The following CEP72 variants were observed in gnomAD, a reference collection of about 807,000 sequenced individuals.
CEP72 encodes centrosomal protein 72, also known as centrosomal protein of 72 kDa.
A neutral mutation model predicts 65.7 loss-of-function variants in CEP72; 78 were observed. The ratio of observed to expected loss-of-function variants is 1.19; its 90% CI spans 0.99 to 1.43. CEP72 has a LOEUF of 1.43. Ranked by LOEUF, CEP72 falls within the 40% of genes most tolerant of loss-of-function variation. The pLI is 0.00. For missense variants in CEP72, 914 were observed against 832.9 expected, an observed-to-expected ratio of 1.10 and a Z score of -1.20; for synonymous variants, 358 against 351.7, an observed-to-expected ratio of 1.02 and a Z score of -0.20.
At chr5:639,360 C>T (rs756300838) in intron 8 of CEP72, 136 bp downstream of exon 8, 10 of 988,078 alleles carry the variant, frequency 1.0e-5, no homozygotes, top group African/African-American at 5.0e-5. Flanking sequence ...GTGGTGGTCC[C>T]GCGCCTGGGC....
At chr5:616,155 A>G (rs1403757694) in intron 1 of CEP72, among the ~76,000 whole-genome samples, 1 of 151,788 alleles carries the variant, frequency 6.6e-6, no homozygotes, top group Admixed American at 6.5e-5. Context: ...TTTCCTTTAT[A>G]TTTGAAAAAA....
At chr5:621,564 C>T (rs1282708897) in intron 3 of CEP72, among the ~76,000 whole-genome samples, 2 of 152,226 alleles carry the variant, frequency 1.3e-5, no homozygotes, top group Non-Finnish European at 2.9e-5. Context: ...CCTGTCAGCC[C>T]CATGAAGTTC....
In CEP72 at chr5:612,455, G is replaced by C. The variant is rs1220873889; in HGVS notation, c.82+12G>C. ...TCACCGCGACCTGGGTGCGCCGGAG[G>C]GCGGGCGGGGGTGCAAGCGTGAGGT... On this transcript the variant is annotated intron_variant, in intron 1 of 11. Coordinates refer to ENST00000264935, the MANE Select transcript of CEP72 (RefSeq NM_018140.4). 1.4e-6 allele frequency: 2 copies of C among 1,441,740 alleles called. No individual in the cohort carries two copies. The highest frequency in any genetic ancestry group is 3.0e-5 in the African/African-American group (2 of 67,496). The allele number at this position is 1,441,740 out of a possible 1,614,324, so 89.3% of individuals were successfully genotyped here.
rs781055123 is a variant in CEP72, at chr5:635,469, C to T, written c.789C>T (p.Cys263=). The T allele has an allele frequency of 6.2e-7, 1 of 1,614,058 alleles. No homozygotes were observed. Among genetic ancestry groups the T allele is most frequent in the South Asian group, 1.1e-5 (1 of 91,084 alleles). The change falls in exon 6 of 12, where the codon TGC becomes TGT. Residue 263 remains cysteine, a synonymous_variant. Coordinates refer to ENST00000264935, the MANE Select transcript of CEP72 (RefSeq NM_018140.4). ...CGAGGAGGAGCAGCTGCAGAGGGTGCTGTCTGGAGAAGATGCCTTGGAGCC... is the reference window on the plus strand; with the variant it reads ...CGAGGAGGAGCAGCTGCAGAGGGTGTTGTCTGGAGAAGATGCCTTGGAGCC... The part of the protein sequence containing the change: ...RETRRSSCRG[C]CLEKMPWSQL...
At chr5:664,020 C>T (rs753395123) in intron 2 of CEP72, 2 of 152,438 alleles carry the variant, frequency 1.3e-5, no homozygotes, top group Non-Finnish European at 2.9e-5. Context: ...TCTGCTCAGC[C>T]CCCTGCTGGC....
At chr5:640,971 A>G (rs1737975672) in intron 9 of CEP72, 1 of 985,332 alleles carries the variant, frequency 1.0e-6, no homozygotes, top group Admixed American at 6.1e-5. Flanking sequence ...CCTTTTATGA[A>G]GGAGATGACG....
intron 11 of CEP72, 69 bp from the exon 12 acceptor site, chr5:652,919 C>T: frequency 6.8e-7 from 1 of 1,461,998 alleles, no homozygotes; most frequent in Non-Finnish European, 9.1e-7. Flanking sequence ...TGGGCAGGCC[C>T]AGCAGGTGAG....
chr5:669,747 A>G (rs1740134123), downstream of CEP72, among the ~76,000 whole-genome samples: 1 of 151,990 alleles, frequency 6.6e-6, no homozygotes, highest in Non-Finnish European at 1.5e-5. Flanking sequence ...TCTCGGGGAA[A>G]GGGCGCCCGG....
chr5:641,077 G>A (rs932590670), intron 9 of CEP72: 1 of 985,290 alleles, frequency 1.0e-6, no homozygotes, highest in Non-Finnish European at 1.2e-6. Flanking sequence ...CTGTGTATTG[G>A]GCCTCAGGCT....
At chr5:613,059 C>T (rs1473247213) in intron 1 of CEP72, among the ~76,000 whole-genome samples, 2 of 152,200 alleles carry the variant, frequency 1.3e-5, no homozygotes, top group African/African-American at 4.8e-5. Flanking sequence ...AATTCTGTAT[C>T]TCTGGTTGTT....
downstream of CEP72, among the ~76,000 whole-genome samples, chr5:659,088 C>T (rs537086788): frequency 3.9e-5 from 6 of 152,352 alleles, no homozygotes; most frequent in African/African-American, 1.4e-4. Context: ...GATCTCCTGT[C>T]ATCCCGCATG....
the CEP72 span, among the ~76,000 whole-genome samples, chr5:672,758 G>T: frequency 6.6e-6 from 1 of 152,236 alleles, no homozygotes; most frequent in Non-Finnish European, 1.5e-5. Flanking sequence ...GCCTGTGCAC[G>T]CTATGCCTCC....
the CEP72 span, among the ~76,000 whole-genome samples, chr5:672,281 CTGT>C: frequency 6.6e-6 from 1 of 151,236 alleles, no homozygotes. Flanking sequence ...CCTGGCCCTG[CTGT>C]TCTCAGTCTC....
the CEP72 span, among the ~76,000 whole-genome samples, chr5:673,603 G>A: frequency 3.3e-5 from 5 of 152,288 alleles, no homozygotes; most frequent in Admixed American, 6.5e-5. Flanking sequence ...GCCCAGGACC[G>A]GGTCTCAGCC....
rs1481163956 is a variant in CEP72 at position 653,048 on chromosome 5, C to CAG, written c.1842_1843dup (p.Ala615GlufsTer76). The CAG allele has an allele frequency of 6.2e-7, 1 of 1,613,934 alleles. No homozygotes were observed. The highest frequency in any genetic ancestry group is 1.7e-5 in the Admixed American group (1 of 60,006). On this transcript the variant is annotated frameshift_variant, in exon 12 of 12. Transcript: ENST00000264935. LOFTEE classifies it low-confidence loss of function (END_TRUNC). Reference sequence around the variant, plus strand: ...AGCTGAGCCAGGTGCGGGCGCAGCACAGAGCCGAGGTGGAGCAGATGCACT... The same window carrying CAG: ...AGCTGAGCCAGGTGCGGGCGCAGCACAGAGAGCCGAGGTGGAGCAGATGCACT...
chr5:625,427 G>A (rs1228054427), intron 4 of CEP72, among the ~76,000 whole-genome samples: 2 of 152,194 alleles, frequency 1.3e-5, no homozygotes, highest in Non-Finnish European at 2.9e-5. Flanking sequence ...GGCCCTGGAG[G>A]CTGCGTGACC....
chr5:662,305 TCTC>T (rs751656682), intron 1 of CEP72: 6 of 152,606 alleles, frequency 3.9e-5, no homozygotes, highest in Non-Finnish European at 5.9e-5. Context: ...CGGAGGCTCT[TCTC>T]GTGCTCAGGG....
chr5:616,922 G>T (rs1736032122), intron 1 of CEP72, among the ~76,000 whole-genome samples: 1 of 151,704 alleles, frequency 6.6e-6, no homozygotes, highest in South Asian at 2.1e-4. Flanking sequence ...TGGACGAGGG[G>T]TGTGTGCGTG....
intron 7 of CEP72, 44 bp downstream of exon 7, chr5:637,862 C>A: frequency 6.8e-7 from 1 of 1,460,986 alleles, no homozygotes; most frequent in Non-Finnish European, 9.1e-7. Flanking sequence ...GCACTGCCTC[C>A]CTAATGTGGG....
Sources: gnomAD v4.1 joint callset for allele counts (sites outside exome capture counted in the v4.1 genomes callset) on GRCh38, gnomAD v4.1.1 for gene constraint, MANE v1.5 for transcripts, NCBI Gene and HGNC (gene_info 2026-07-23, HGNC 2026-07-21) for gene names.